SWAP70: variants seen among roughly 807,000 people sequenced by gnomAD.
SWAP70 encodes the protein switching B cell complex subunit SWAP70, also known as switch-associated protein 70.
A neutral mutation model predicts 80.2 loss-of-function variants in SWAP70; 34 were observed. The observed-to-expected ratio is 0.42, with a 90% CI of 0.32 to 0.56. The LOEUF is 0.56. Among genes scored for constraint, SWAP70 ranks in the 20% least tolerant of loss-of-function variants. SWAP70 has a pLI of 0.09. For missense variants in SWAP70, 578 were observed against 690.7 expected, an observed-to-expected ratio of 0.84 and a Z score of 1.83; for synonymous variants, 239 against 238.5, an observed-to-expected ratio of 1.00 and a Z score of -0.02.
chr11:9,672,991 G>T (rs1000864056), intron 1 of SWAP70, among the ~76,000 whole-genome samples: 6 of 152,086 alleles, frequency 3.9e-5, no homozygotes, highest in Non-Finnish European at 7.4e-5. Context: ...AAGATTTCTG[G>T]TGACCAAATG....
chr11:9,678,761 C>A (rs1478764564), intron 1 of SWAP70, among the ~76,000 whole-genome samples: 1 of 151,928 alleles, frequency 6.6e-6, no homozygotes, highest in Non-Finnish European at 1.5e-5. Context: ...ATAGGTATTT[C>A]TCATTCCTTC....
At chr11:9,714,148 A>G (rs888394768) in intron 3 of SWAP70, among the ~76,000 whole-genome samples, 1 of 148,760 alleles carries the variant, frequency 6.7e-6, no homozygotes, top group African/African-American at 2.4e-5. Flanking sequence ...GAAAAAAATA[A>G]TAGGAGTAAG....
chr11:9,670,696 T>A (rs1850365008), intron 1 of SWAP70, among the ~76,000 whole-genome samples: 1 of 152,070 alleles, frequency 6.6e-6, no homozygotes, highest in Admixed American at 6.6e-5. Flanking sequence ...AGAAAACTTT[T>A]AAGGAAAACA....
chr11:9,695,009 C>T (rs934429529), intron 2 of SWAP70, among the ~76,000 whole-genome samples: 42 of 152,084 alleles, frequency 2.8e-4, no homozygotes, highest in African/African-American at 9.9e-4. Context: ...ACATTCATGC[C>T]CAGGCAGGGT....
At chr11:9,725,565 A>ATTTTTTTTTT (rs1851209163) in intron 4 of SWAP70, among the ~76,000 whole-genome samples, 1 of 17,354 alleles carries the variant, frequency 5.8e-5, no homozygotes, top group African/African-American at 2.7e-4. Context: ...ATATATATAT[A>ATTTTTTTTTT]TATATTTTTT....
chr11:9,711,954 C>G (rs1453789080), intron 2 of SWAP70, among the ~76,000 whole-genome samples: 2 of 152,208 alleles, frequency 1.3e-5, no homozygotes, highest in Non-Finnish European at 2.9e-5. Flanking sequence ...TCCAAACTAA[C>G]CATGCTTGCC....
At chr11:9,732,803 T>G (rs1851317409) in intron 7 of SWAP70, 93 bp downstream of exon 7, 5 of 1,236,934 alleles carry the variant, frequency 4.0e-6, no homozygotes, top group Non-Finnish European at 5.5e-6. Context: ...CCAAGATGAA[T>G]GTAGTGCAGT....
chr11:9,732,509 TC>T lies in SWAP70; in HGVS notation c.899-18del. 2 of 1,589,028 alleles carry T rather than the reference TC, an allele frequency of 1.3e-6. No homozygotes were observed. The highest frequency in any genetic ancestry group is 1.7e-6 in the Non-Finnish European group (2 of 1,166,552). ...AAATAATATCTCCCCATTTTTTTTT[TC>T]CTCCTACACCTTTTACAGCCATTCA... is the stretch of plus-strand genomic sequence containing the variant. On this transcript the variant is annotated intron_variant, in intron 6 of 11. Coordinates refer to ENST00000318950, the MANE Select transcript of SWAP70 (RefSeq NM_015055.4).
rs1245828376 is a variant in SWAP70, at chr11:9,738,332, A to G, written c.1188+12A>G. ...AAAGAGAGAAGCTTGTGAGTATCAC[A>G]TGGCTGGAGAAAGCAGCTGCAGTAG... On this transcript the variant is annotated intron_variant, in intron 8 of 11. Transcript: ENST00000318950. 4 of 1,571,850 alleles carry G rather than the reference A, an allele frequency of 2.5e-6. No homozygotes were observed. Among genetic ancestry groups the G allele is most frequent in the East Asian group, 2.3e-5 (1 of 42,584 alleles).
rs1851416535 is a variant in SWAP70 at position 9,740,141 on chromosome 11, A to G, written c.1189-40A>G. On this transcript the variant is annotated intron_variant, in intron 8 of 11. Coordinates refer to ENST00000318950, the MANE Select transcript of SWAP70 (RefSeq NM_015055.4). Reference sequence around the variant, plus strand: ...GAGGTGAGGCTTTCCCTGAGAAAGAAGTCAACCTGCATTTAAACAAGACCC... The same window carrying G: ...GAGGTGAGGCTTTCCCTGAGAAAGAGGTCAACCTGCATTTAAACAAGACCC... The G allele has an allele frequency of 3.1e-6, 5 of 1,594,780 alleles. No individual in the cohort carries two copies. The African/African-American group carries it at 4.0e-5, about 13-fold the overall frequency.
At chr11:9,715,299 G>A (rs1851052162) in intron 3 of SWAP70, among the ~76,000 whole-genome samples, 1 of 152,058 alleles carries the variant, frequency 6.6e-6, no homozygotes, top group Non-Finnish European at 1.5e-5. Flanking sequence ...TTTTTTAAAA[G>A]TATGCTGGAT....
intron 1 of SWAP70, among the ~76,000 whole-genome samples, chr11:9,666,669 A>G (rs1850310699): frequency 6.6e-6 from 1 of 151,950 alleles, no homozygotes; most frequent in African/African-American, 2.4e-5. Flanking sequence ...TAAAGATCTT[A>G]AGAGGAGAAG....
At chr11:9,715,597 T>C (rs1201304812) in intron 3 of SWAP70, among the ~76,000 whole-genome samples, 1 of 152,152 alleles carries the variant, frequency 6.6e-6, no homozygotes, top group Non-Finnish European at 1.5e-5. Flanking sequence ...GGGGAGGGCT[T>C]ACAATCATGG....
chr11:9,723,810 T>A (rs1256142725), intron 3 of SWAP70, among the ~76,000 whole-genome samples: 2 of 151,132 alleles, frequency 1.3e-5, no homozygotes, highest in Non-Finnish European at 1.5e-5. Context: ...AGTCTTGCTC[T>A]TGCCCAGGCT....
chr11:9,698,558 C>T (rs1186299212), intron 2 of SWAP70, among the ~76,000 whole-genome samples: 1 of 151,858 alleles, frequency 6.6e-6, no homozygotes, highest in African/African-American at 2.4e-5. Flanking sequence ...GCATGTGCCA[C>T]GACACCTGGA....
At chr11:9,665,532 A>C (rs1053628264) in intron 1 of SWAP70, among the ~76,000 whole-genome samples, 5 of 152,186 alleles carry the variant, frequency 3.3e-5, no homozygotes, top group African/African-American at 4.8e-5. Context: ...AAACTCCCTG[A>C]TGTTGCCCTG....
rs1490073659 is a variant in SWAP70, at chr11:9,728,062, A to G, written c.652A>G (p.Met218Val). 4 of 1,605,936 alleles carry G rather than the reference A, an allele frequency of 2.5e-6. No homozygotes were observed. The highest frequency in any genetic ancestry group is 3.4e-6 in the Non-Finnish European group (4 of 1,177,322). The change falls in exon 5 of 12, where the codon ATG (methionine) becomes GTG (valine). Residue 218 changes from methionine to valine, a missense_variant. Met to Val is a conservative substitution (Grantham distance 21). Transcript: ENST00000318950. ...ATTTAATCTTTCACAGGGTTACATG[A>G]TGAAAAAGGGCCACAGACGGAAAAA... ...ILDVLKQGYM[M>V]KKGHRRKNWT...
At chr11:9,694,357 C>A in intron 2 of SWAP70, 71 bp downstream of exon 2, 1 of 1,479,048 alleles carries the variant, frequency 6.8e-7, no homozygotes, top group Admixed American at 2.2e-5. Context: ...CAAAAGCCCC[C>A]TGTTGGTGAG....
At chr11:9,696,652 T>C (rs925559253) in intron 2 of SWAP70, among the ~76,000 whole-genome samples, 1 of 152,174 alleles carries the variant, frequency 6.6e-6, no homozygotes. Flanking sequence ...TATAAGCAAC[T>C]TATTTTTTTA....
Sources: allele counts gnomAD v4.1 joint callset (sites outside exome capture counted in the v4.1 genomes callset), GRCh38; gene constraint gnomAD v4.1.1; transcripts MANE v1.5; gene names NCBI Gene and HGNC (gene_info 2026-07-23, HGNC 2026-07-21).